Variants in ITFG1 observed in about 807,000 individuals in gnomAD.
ITFG1 encodes integrin alpha FG-GAP repeat containing 1.
A neutral mutation model predicts 81.8 loss-of-function variants in ITFG1; 34 were observed. That is an observed-to-expected ratio of 0.42 (90% confidence interval 0.32 to 0.55). The LOEUF (loss-of-function observed/expected upper bound fraction) is 0.55. Ranked by LOEUF, ITFG1 falls within the 20% of genes least tolerant of loss-of-function variation. ITFG1 has a pLI of 0.17. For missense variants in ITFG1, 672 were observed against 755.4 expected, an observed-to-expected ratio of 0.89 and a Z score of 1.29; for synonymous variants, 285 against 270.6, an observed-to-expected ratio of 1.05 and a Z score of -0.52.
At chr16:47,182,193 AC>A (rs1769965266) in intron 14 of ITFG1, among the ~76,000 whole-genome samples, 1 of 151,938 alleles carries the variant, frequency 6.6e-6, no homozygotes, top group Non-Finnish European at 1.5e-5. Flanking sequence ...AAAAAAAAAA[AC>A]AAAAAAACAG....
intron 6 of ITFG1, among the ~76,000 whole-genome samples, chr16:47,412,597 G>A (rs770833336): frequency 9.2e-5 from 14 of 151,640 alleles, no homozygotes; most frequent in Non-Finnish European, 1.5e-4. Flanking sequence ...GGGTGGCTGA[G>A]GCATGAGAAT....
intron 12 of ITFG1, among the ~76,000 whole-genome samples, 180 bp downstream of exon 12, chr16:47,258,452 A>C (rs1041258390): frequency 3.3e-5 from 5 of 152,190 alleles, no homozygotes; most frequent in African/African-American, 1.2e-4. Flanking sequence ...AGAAAGAAAA[A>C]ACAATATTGT....
chr16:47,362,083 T>A (rs1257924638), intron 8 of ITFG1, among the ~76,000 whole-genome samples: 2 of 152,188 alleles, frequency 1.3e-5, no homozygotes, highest in Admixed American at 1.3e-4. Flanking sequence ...GTGAATAGTA[T>A]CACCCTTTTT....
chr16:47,445,246 A>AG (rs1491303471), intron 5 of ITFG1, among the ~76,000 whole-genome samples: 4 of 141,514 alleles, frequency 2.8e-5, no homozygotes, highest in East Asian at 4.2e-4. Flanking sequence ...ACTCCGTCTC[A>AG]GAAAAAAAAA....
Position 47,441,529 on chromosome 16 carries a change from G to A in ITFG1, c.560+9867C>T, listed in dbSNP as rs554780400. ...GGGATGCAAGGCTGGTTCAACATAC[G>A]AAAATAAATACACGCAATCCAGCAT... On this transcript the variant is annotated intron_variant, in intron 5 of 17. Transcript: ENST00000320640. 2.2e-4 allele frequency among the ~76,000 whole-genome samples: 33 copies of A among 152,156 alleles called. 1 individual carries two copies. The South Asian group carries it at 4.4e-3, about 20-fold the overall frequency.
chr16:47,396,159 T>G (rs769246075), intron 6 of ITFG1: 37 of 985,170 alleles, frequency 3.8e-5, no homozygotes, highest in South Asian at 9.4e-5. Context: ...GAAGGAGAGA[T>G]AAGTCTACAT....
chr16:47,202,191 ATTTC>A (rs941787015), intron 14 of ITFG1: 24 of 152,202 alleles, frequency 1.6e-4, no homozygotes, highest in African/African-American at 5.3e-4. Flanking sequence ...ATACTTTATA[ATTTC>A]TTTTAGTGAT....
At chr16:47,189,237 A>C (rs1965263278) in intron 14 of ITFG1, among the ~76,000 whole-genome samples, 1 of 152,186 alleles carries the variant, frequency 6.6e-6, no homozygotes. Context: ...CATACCACAA[A>C]ACCCACCAGT....
chr16:47,396,303 A>T, intron 6 of ITFG1: 1 of 213,570 alleles, frequency 4.7e-6, no homozygotes, highest in Non-Finnish European at 8.0e-6. Flanking sequence ...AGCAAAAGGG[A>T]GGGAGGAAGT....
chr16:47,422,861 G>A (rs1405686636), intron 6 of ITFG1, among the ~76,000 whole-genome samples: 1 of 152,096 alleles, frequency 6.6e-6, no homozygotes, highest in Non-Finnish European at 1.5e-5. Context: ...GTCAATTTTA[G>A]AATAAGTGCG....
At chr16:47,179,648 A>AG (rs1053322251) in intron 14 of ITFG1, among the ~76,000 whole-genome samples, 3 of 152,138 alleles carry the variant, frequency 2.0e-5, no homozygotes, top group African/African-American at 7.2e-5. Flanking sequence ...TTAAAAAAAA[A>AG]GAAATAAGCT....
At chr16:47,326,812 A>C (rs1363537862) in intron 8 of ITFG1, among the ~76,000 whole-genome samples, 2 of 152,206 alleles carry the variant, frequency 1.3e-5, no homozygotes, top group Non-Finnish European at 2.9e-5. Flanking sequence ...CCACTGCTCA[A>C]GGAAATAAAA....
chr16:47,283,946 T>A (rs904941701), intron 10 of ITFG1, among the ~76,000 whole-genome samples: 7 of 152,324 alleles, frequency 4.6e-5, no homozygotes, highest in African/African-American at 1.7e-4. Flanking sequence ...TATCTGATAT[T>A]AAGGGTAAAT....
rs577699801 is a variant in ITFG1 at position 47,305,112 on chromosome 16, G to A, written c.1070+6128C>T. Among the ~76,000 whole-genome samples the A allele has an allele frequency of 1.6e-4, 24 of 152,200 alleles. No individual in the cohort carries two copies. In the East Asian group the frequency reaches 4.2e-3, roughly 27 times the overall value. On this transcript the variant is annotated intron_variant, in intron 10 of 17. Transcript: ENST00000320640. ...TGAAATTTATCTTGGTACCACTAGT[G>A]TATAAGTAATGAAATTTACCAACAT...
At chr16:47,355,149 C>T (rs1306289964) in intron 8 of ITFG1, among the ~76,000 whole-genome samples, 1 of 151,788 alleles carries the variant, frequency 6.6e-6, no homozygotes, top group Non-Finnish European at 1.5e-5. Flanking sequence ...CTGAGTCCAT[C>T]AAATGTATGA....
At chr16:47,179,300 C>A (rs1965069841) in intron 14 of ITFG1, among the ~76,000 whole-genome samples, 1 of 152,154 alleles carries the variant, frequency 6.6e-6, no homozygotes, top group Admixed American at 6.5e-5. Flanking sequence ...CGGCATTATT[C>A]ACAATAGCAA....
intron 12 of ITFG1, among the ~76,000 whole-genome samples, chr16:47,249,908 G>A (rs1245470940): frequency 6.6e-6 from 1 of 152,184 alleles, no homozygotes; most frequent in African/African-American, 2.4e-5. Flanking sequence ...CAACGTGCAG[G>A]TTGGGAGAAG....
chr16:47,365,759 C>CTTT lies in ITFG1; in HGVS notation c.802+26_802+28dup, dbSNP rs76973321. The CTTT allele has an allele frequency of 2.0e-4, 220 of 1,101,618 alleles. 1 individual carries two copies. In the African/African-American group the frequency reaches 2.3e-3, roughly 12 times the overall value. 68.2% of individuals were successfully genotyped at this position (1,101,618 alleles called of 1,614,324 possible). A position where few individuals can be genotyped will look rare whatever the true frequency, so the allele number is the denominator to read the frequency against. On this transcript the variant is annotated intron_variant, in intron 8 of 17. Transcript: ENST00000320640. ...AGGAGAGAATTGGAAAGGCAAAAGCCTTTTTTTTTTTTTTTTACCAAATCT... is the reference window on the plus strand; with the variant it reads ...AGGAGAGAATTGGAAAGGCAAAAGCCTTTTTTTTTTTTTTTTTTTACCAAATCT...
intron 12 of ITFG1, among the ~76,000 whole-genome samples, chr16:47,254,381 T>C (rs538020529): frequency 1.3e-5 from 2 of 149,396 alleles, no homozygotes; most frequent in Non-Finnish European, 3.0e-5. Context: ...CTCTTTAGCA[T>C]ATTATTATTA....
Sources: gnomAD v4.1 joint callset for allele counts (sites outside exome capture counted in the v4.1 genomes callset) on GRCh38, gnomAD v4.1.1 for gene constraint, MANE v1.5 for transcripts, NCBI Gene and HGNC (gene_info 2026-07-23, HGNC 2026-07-21) for gene names.